VSIG10: variants seen among roughly 807,000 people sequenced by gnomAD.
VSIG10 encodes the protein V-set and immunoglobulin domain containing 10.
Under a neutral mutation model 58.7 loss-of-function variants are expected in VSIG10, and 48 were observed. The observed-to-expected ratio is 0.82, with a 90% CI of 0.65 to 1.04. The LOEUF (loss-of-function observed/expected upper bound fraction) is 1.04, where lower values mean the gene tolerates loss of function less well. Ranked by LOEUF, VSIG10 falls within the 50% of genes least tolerant of loss-of-function variation. The probability of loss-of-function intolerance (pLI) is 0.00; values close to 1 mark genes in which losing one functional copy is unlikely to be tolerated. For synonymous variants in VSIG10, 260 were observed against 267.1 expected (o/e 0.97, Z 0.26); for missense variants, 628 against 670.0 (o/e 0.94, Z 0.69).
At chr12:118,068,935 C>T (rs2032368209) in intron 7 of VSIG10, among the ~76,000 whole-genome samples, 1 of 152,162 alleles carries the variant, frequency 6.6e-6, no homozygotes, top group Non-Finnish European at 1.5e-5. Flanking sequence ...CAAAATCTCT[C>T]CCCTTCCTCA....
At position 118,066,577 on chromosome 12, in the gene VSIG10, G is replaced by C; in HGVS notation, c.*62C>G. On this transcript the variant is annotated 3_prime_UTR_variant, in exon 9 of 9. Coordinates refer to ENST00000359236, the MANE Select transcript of VSIG10 (RefSeq NM_019086.6). ...AGGTGGAGTCAAAGCTGAATGAAGA[G>C]CTCGTCTTCAATGTAGCTCTCCAAG... 6.3e-7 allele frequency: 1 copy of C among 1,575,442 alleles called. No individual in the cohort carries two copies. The highest frequency in any genetic ancestry group is 8.7e-7 in the Non-Finnish European group (1 of 1,144,876).
rs1312131782 is a variant in VSIG10 at position 118,065,291 on chromosome 12, T to C, written c.*1348A>G. The C allele has an allele frequency of 6.6e-6, 1 of 152,274 alleles. No homozygotes were observed. The highest frequency in any genetic ancestry group is 1.9e-4 in the East Asian group (1 of 5,200). 9.4% of individuals were successfully genotyped at this position (152,274 alleles called of 1,614,324 possible). A position where few individuals can be genotyped will look rare whatever the true frequency, so the allele number is the denominator to read the frequency against. ...CCGTTATTAAACGTGTCTCCTGCCTTCTTTGAAAGCAACAGGAGAAATGAA... is the reference window on the plus strand; with the variant it reads ...CCGTTATTAAACGTGTCTCCTGCCTCCTTTGAAAGCAACAGGAGAAATGAA... On this transcript the variant is annotated 3_prime_UTR_variant, in exon 9 of 9. Coordinates refer to ENST00000359236, the MANE Select transcript of VSIG10 (RefSeq NM_019086.6).
intron 6 of VSIG10, 116 bp downstream of exon 6, chr12:118,071,243 G>T: frequency 8.1e-7 from 1 of 1,238,400 alleles, no homozygotes; most frequent in Non-Finnish European, 1.2e-6. Flanking sequence ...TCTTGACCCA[G>T]CAAAGAAGCC....
At chr12:118,083,629 C>A (rs2137906428) in intron 2 of VSIG10, among the ~76,000 whole-genome samples, 1 of 151,892 alleles carries the variant, frequency 6.6e-6, no homozygotes, top group East Asian at 1.9e-4. Flanking sequence ...TGCCTATAGT[C>A]CCAGGCGCCC....
At position 118,066,467 on chromosome 12, in the gene VSIG10, A is replaced by G. The variant is rs1297186345; in HGVS notation, c.*172T>C. ...GAGCAAATCAAACCAATGTTTTTCAATACATGGAAGGAAAGATGTGTGTGC... is the reference window on the plus strand; with the variant it reads ...GAGCAAATCAAACCAATGTTTTTCAGTACATGGAAGGAAAGATGTGTGTGC... On this transcript the variant is annotated 3_prime_UTR_variant, in exon 9 of 9. Transcript: ENST00000359236. The G allele has an allele frequency of 7.3e-6, 5 of 683,910 alleles. No individual in the cohort carries two copies. The highest frequency in any genetic ancestry group is 7.2e-5 in the African/African-American group (4 of 55,940). The allele number at this position is 683,910 out of a possible 1,614,324, so 42.4% of individuals were successfully genotyped here.
intron 1 of VSIG10, among the ~76,000 whole-genome samples, chr12:118,097,624 A>G (rs1385671701): frequency 6.6e-6 from 1 of 151,364 alleles, no homozygotes; most frequent in Non-Finnish European, 1.5e-5. Context: ...CAAAAACAAG[A>G]AACAAACAAA....
chr12:118,097,163 G>A (rs1228439318), intron 1 of VSIG10, among the ~76,000 whole-genome samples: 1 of 152,192 alleles, frequency 6.6e-6, no homozygotes, highest in Non-Finnish European at 1.5e-5. Flanking sequence ...TGTCCACCCA[G>A]TCTGCCCACC....
chr12:118,100,766 TG>T (rs1219662475), intron 1 of VSIG10, among the ~76,000 whole-genome samples: 1 of 152,114 alleles, frequency 6.6e-6, no homozygotes, highest in African/African-American at 2.4e-5. Flanking sequence ...TGACCTCAGG[TG>T]ATCTGCCCAC....
intron 1 of VSIG10, 109 bp from the exon 2 acceptor site, chr12:118,095,923 CTTTTT>C (rs1030344556): frequency 1.0e-3 from 753 of 755,604 alleles, no homozygotes; most frequent in East Asian, 1.5e-3. Context: ...GGTATATGTT[CTTTTT>C]TTTTTTTTTT....
rs2137859785 is a variant in VSIG10 at position 118,073,949 on chromosome 12, A to G, written c.969T>C (p.Thr323=). The G allele has an allele frequency of 6.2e-7, 1 of 1,602,156 alleles. No individual in the cohort carries two copies. The highest frequency in any genetic ancestry group is 8.5e-7 in the Non-Finnish European group (1 of 1,172,842). ...LLSEPMKTCF[T]GGNVTLTCQV... ...GGCATGTAAGCGTCACATTGCCCCC[A>G]GTGAAGCAAGTCTTCATGGGCTCAG... Residue 323 remains threonine, a synonymous_variant, in exon 5 of 9, where the codon ACT becomes ACC. Coordinates refer to ENST00000359236, the MANE Select transcript of VSIG10 (RefSeq NM_019086.6).
intron 1 of VSIG10, among the ~76,000 whole-genome samples, chr12:118,098,474 G>A (rs1041132237): frequency 6.6e-6 from 1 of 152,136 alleles, no homozygotes; most frequent in Non-Finnish European, 1.5e-5. Context: ...TGGCAGTAGG[G>A]ACTGTGTGCC....
Position 118,063,867 on chromosome 12 carries a change from A to G in VSIG10, c.*2772T>C, listed in dbSNP as rs1031076935. 6.6e-6 allele frequency: 1 copy of G among 152,188 alleles called. No individual in the cohort carries two copies. Among genetic ancestry groups the G allele is most frequent in the Admixed American group, 6.5e-5 (1 of 15,276 alleles). The allele number at this position is 152,188 out of a possible 1,614,324, so 9.4% of individuals were successfully genotyped here. A position where few individuals can be genotyped will look rare whatever the true frequency, so the allele number is the denominator to read the frequency against. On this transcript the variant is annotated 3_prime_UTR_variant, in exon 9 of 9. Coordinates refer to ENST00000359236, the MANE Select transcript of VSIG10 (RefSeq NM_019086.6). ...TTCCATCTTGTGTTTTCCTGCGGCA[A>G]TTATGGGGCTTGTATGTGCTTGTGA...
intron 3 of VSIG10, among the ~76,000 whole-genome samples, chr12:118,081,909 C>T (rs758390198): frequency 6.6e-6 from 1 of 151,192 alleles, no homozygotes; most frequent in East Asian, 2.0e-4. Flanking sequence ...CCAGCTACCT[C>T]GGGAGGCTGA....
intron 1 of VSIG10, among the ~76,000 whole-genome samples, chr12:118,098,611 A>T (rs372097743): frequency 6.6e-6 from 1 of 152,196 alleles, no homozygotes; most frequent in South Asian, 2.1e-4. Context: ...AAACACCAAG[A>T]TAAGGCCTCA....
At chr12:118,070,347 A>C (rs1227799910) in intron 7 of VSIG10, among the ~76,000 whole-genome samples, 1 of 152,106 alleles carries the variant, frequency 6.6e-6, no homozygotes, top group African/African-American at 2.4e-5. Context: ...CAGGAGTTTG[A>C]GACTAGCCTG....
chr12:118,071,773 A>G (rs2032504425), intron 5 of VSIG10, among the ~76,000 whole-genome samples: 1 of 152,266 alleles, frequency 6.6e-6, no homozygotes. Context: ...GCCATGATAA[A>G]CAGAGTGATC....
rs112561796 is a variant in VSIG10, at chr12:118,095,447, C to T, written c.361+86G>A. On this transcript the variant is annotated intron_variant, in intron 2 of 8. Coordinates refer to ENST00000359236, the MANE Select transcript of VSIG10 (RefSeq NM_019086.6). ...AGAATGATTTCCAGGCCATCCGAAC[C>T]CAAAACCCATATTCCTGACCATGGT... 6.3e-3 allele frequency: 9,739 copies of T among 1,543,386 alleles called. 43 individuals are homozygous for T. The highest frequency in any genetic ancestry group is 7.8e-3 in the Non-Finnish European group (8,945 of 1,140,998).
chr12:118,068,460 G>A lies in VSIG10; in HGVS notation c.1484C>T (p.Pro495Leu), dbSNP rs756109402. Residue 495 changes from proline (P) to leucine (L), a missense_variant, in exon 8 of 9, where the codon CCT (proline) becomes CTT (leucine). Physicochemically the swap from Pro to Leu is moderately conservative, Grantham distance 98. Coordinates refer to ENST00000359236, the MANE Select transcript of VSIG10 (RefSeq NM_019086.6). The stretch of plus-strand genomic sequence containing the variant: ...CACTCTGTGAATGTGGTCCTGCTTA[G>A]GTATTTCTTTTGGCAACTCCTCTCT... ...REREELPKEIPKQDHIHRVTA... is the reference protein window; with the variant it reads ...REREELPKEILKQDHIHRVTA... The A allele has an allele frequency of 6.2e-7, 1 of 1,613,526 alleles. No homozygotes were observed.
rs557324015 is a variant in VSIG10, at chr12:118,096,432, G to C, written c.80-618C>G. Among the ~76,000 whole-genome samples, 4 of 151,938 alleles carry C rather than the reference G, an allele frequency of 2.6e-5. No individual in the cohort carries two copies. The East Asian group carries it at 7.9e-4, about 30-fold the overall frequency. On this transcript the variant is annotated intron_variant, in intron 1 of 8. Coordinates refer to ENST00000359236, the MANE Select transcript of VSIG10 (RefSeq NM_019086.6). ...TGTCTCTACTAAAAATACAAAATCA[G>C]CTGGGCGTGGTAGCACATGCCTGTA...
Sources: gnomAD v4.1 joint callset for allele counts (sites outside exome capture counted in the v4.1 genomes callset) on GRCh38, gnomAD v4.1.1 for gene constraint, MANE v1.5 for transcripts, NCBI Gene and HGNC (gene_info 2026-07-23, HGNC 2026-07-21) for gene names.